XKR6: variants seen among roughly 807,000 people sequenced by gnomAD.
The protein encoded by XKR6 is XK related 6, also known as XK-related protein 6.
Under a neutral mutation model 56.7 loss-of-function variants are expected in XKR6, and 22 were observed. That is an observed-to-expected ratio of 0.39 (90% CI 0.28 to 0.55). The LOEUF (loss-of-function observed/expected upper bound fraction) is 0.55, where lower values mean the gene tolerates loss of function less well. Ranked by LOEUF, XKR6 falls within the 20% of genes least tolerant of loss-of-function variation. XKR6 has a pLI of 0.66. For missense variants in XKR6, 852 were observed against 889.0 expected (o/e 0.96, Z 0.53); for synonymous variants, 524 against 387.8 (o/e 1.35, Z -4.13).
Position 10,911,199 on chromosome 8 carries a change from C to CAT in XKR6, c.962-12284_962-12283insAT, listed in dbSNP as rs1284455130. The stretch of plus-strand genomic sequence containing the variant: ...TATATACATATAGAGAGAGGGTGTG[C>CAT]GTGTGTGTGTGTGTGTGTGTGTGTG... On this transcript the variant is annotated intron_variant, in intron 2 of 2. Coordinates refer to ENST00000416569, the MANE Select transcript of XKR6 (RefSeq NM_173683.4). Among the ~76,000 whole-genome samples the CAT allele has an allele frequency of 5.3e-3, 670 of 126,316 alleles. 8 individuals carry two copies. The highest frequency in any genetic ancestry group is 0.045 in the South Asian group (173 of 3,824). The allele number at this position is 126,316 out of a possible 152,430, so 82.9% of individuals were successfully genotyped here. A position where few individuals can be genotyped will look rare whatever the true frequency, so the allele number is the denominator to read the frequency against.
chr8:11,088,257 C>CAA (rs34111211), intron 1 of XKR6, among the ~76,000 whole-genome samples: 1 of 151,852 alleles, frequency 6.6e-6, no homozygotes, highest in African/African-American at 2.4e-5. Context: ...GAGCCCTTCC[C>CAA]AAAAAAAGGA....
chr8:11,149,743 T>A (rs1383405337), intron 1 of XKR6, among the ~76,000 whole-genome samples: 1 of 152,190 alleles, frequency 6.6e-6, no homozygotes, highest in Non-Finnish European at 1.5e-5. Context: ...ATCCCATTAC[T>A]GGGCATTTGT....
rs904616466 is a variant in XKR6 at position 11,195,765 on chromosome 8, C to A, written c.764+4811G>T. Among the ~76,000 whole-genome samples, 6 of 151,686 alleles carry A rather than the reference C, an allele frequency of 4.0e-5. No homozygotes were observed. The East Asian group carries it at 9.7e-4, about 25-fold the overall frequency. ...CCGGGTTGACGCCATTCTCCTGCCT[C>A]GGCCTCCTGAGTAGCTGGGACTACA... is the stretch of plus-strand genomic sequence containing the variant. On this transcript the variant is annotated intron_variant, in intron 1 of 2. Transcript: ENST00000416569.
intron 1 of XKR6, among the ~76,000 whole-genome samples, chr8:10,949,884 A>G (rs1801666392): frequency 6.6e-6 from 1 of 152,164 alleles, no homozygotes. Context: ...TCCACAGGCC[A>G]GGAGTCCCTT....
chr8:10,964,192 GT>G (rs1413441287), intron 1 of XKR6, among the ~76,000 whole-genome samples: 1 of 152,120 alleles, frequency 6.6e-6, no homozygotes, highest in East Asian at 1.9e-4. Flanking sequence ...AGCTTCTCCT[GT>G]ATCCTGGGGG....
At chr8:11,199,265 A>G (rs1319780125) in intron 1 of XKR6, among the ~76,000 whole-genome samples, 1 of 152,254 alleles carries the variant, frequency 6.6e-6, no homozygotes, top group East Asian at 1.9e-4. Flanking sequence ...TAAATCCAGC[A>G]GGAGACAAAG....
At chr8:11,060,744 G>A (rs946083552) in intron 1 of XKR6, among the ~76,000 whole-genome samples, 1 of 152,202 alleles carries the variant, frequency 6.6e-6, no homozygotes, top group Non-Finnish European at 1.5e-5. Context: ...TGTTTCTCTG[G>A]CAATTCATCC....
At chr8:11,101,537 G>C (rs971999943) in intron 1 of XKR6, among the ~76,000 whole-genome samples, 2 of 152,190 alleles carry the variant, frequency 1.3e-5, no homozygotes, top group Non-Finnish European at 2.9e-5. Context: ...AGGATGGAGA[G>C]ATGGAAGACA....
At chr8:11,138,027 G>C in intron 1 of XKR6, 1 of 256,588 alleles carries the variant, frequency 3.9e-6, no homozygotes, top group Non-Finnish European at 7.6e-6. Flanking sequence ...AGAGCAGAAG[G>C]GTGGGATCCT....
At chr8:11,137,233 G>C (rs3021495) in intron 1 of XKR6, 69,862 of 237,666 alleles carry the variant, frequency 0.29, 12,208 homozygotes, top group Non-Finnish European at 0.38. Context: ...TGTATGTGGT[G>C]AGGAAAGCGG....
intron 1 of XKR6, among the ~76,000 whole-genome samples, chr8:11,050,771 T>A (rs1336571817): frequency 6.6e-6 from 1 of 151,998 alleles, no homozygotes; most frequent in African/African-American, 2.4e-5. Flanking sequence ...TCTTCCCTCA[T>A]GTCCCCACAG....
chr8:11,168,372 C>T (rs1802192812), intron 1 of XKR6, among the ~76,000 whole-genome samples: 1 of 152,042 alleles, frequency 6.6e-6, no homozygotes. Context: ...AACATAAATG[C>T]ACCAAACATA....
intron 1 of XKR6, among the ~76,000 whole-genome samples, chr8:10,942,672 G>A (rs575788042): frequency 7.2e-5 from 11 of 152,282 alleles, no homozygotes; most frequent in Non-Finnish European, 1.0e-4. Flanking sequence ...GCGCCACGCT[G>A]CCCCCATTAT....
intron 1 of XKR6, among the ~76,000 whole-genome samples, chr8:10,974,523 T>C (rs933186448): frequency 1.3e-5 from 2 of 152,224 alleles, no homozygotes; most frequent in African/African-American, 2.4e-5. Flanking sequence ...CCCAGGCAGC[T>C]CAGCCACATA....
intron 1 of XKR6, among the ~76,000 whole-genome samples, chr8:11,085,235 C>G (rs1415394077): frequency 6.6e-6 from 1 of 152,200 alleles, no homozygotes; most frequent in Non-Finnish European, 1.5e-5. Context: ...TCCTCTGCGG[C>G]CCCCATGCTA....
chr8:10,952,995 G>C (rs1016701934), intron 1 of XKR6, among the ~76,000 whole-genome samples: 1 of 152,114 alleles, frequency 6.6e-6, no homozygotes, highest in Admixed American at 6.5e-5. Context: ...CTCCTTATGA[G>C]AATCTAATGC....
intron 1 of XKR6, among the ~76,000 whole-genome samples, chr8:11,141,095 TACA>T (rs2116934503): frequency 6.6e-6 from 1 of 152,220 alleles, no homozygotes; most frequent in Admixed American, 6.5e-5. Flanking sequence ...GTCGACATGG[TACA>T]ACAATTAAAC....
intron 1 of XKR6, among the ~76,000 whole-genome samples, chr8:11,021,440 T>C (rs1246557617): frequency 1.3e-5 from 2 of 152,224 alleles, no homozygotes; most frequent in Non-Finnish European, 2.9e-5. Flanking sequence ...ACAGAGACAC[T>C]GCCTTGTTTA....
chr8:10,960,010 G>A (rs181727347), intron 1 of XKR6, among the ~76,000 whole-genome samples: 1 of 136,050 alleles, frequency 7.4e-6, no homozygotes, highest in African/African-American at 2.7e-5. Flanking sequence ...TGAAGGTCAG[G>A]GGGGGGCCTC....
Sources: gnomAD v4.1 joint callset for allele counts (sites outside exome capture counted in the v4.1 genomes callset) on GRCh38, gnomAD v4.1.1 for gene constraint, MANE v1.5 for transcripts, NCBI Gene and HGNC (gene_info 2026-07-23, HGNC 2026-07-21) for gene names.